Variants in PAFAH1B1 observed in about 807,000 individuals in gnomAD.
PAFAH1B1 encodes platelet activating factor acetylhydrolase 1b regulatory subunit 1.
A neutral mutation model predicts 57.5 loss-of-function variants in PAFAH1B1; 2 were observed. The observed-to-expected ratio is 0.03, with a 90% CI of 0.01 to 0.11. PAFAH1B1 has a LOEUF of 0.11. Ranked by LOEUF, PAFAH1B1 falls within the 10% of genes least tolerant of loss-of-function variation. PAFAH1B1 has a pLI of 1.00. For missense variants in PAFAH1B1, 257 were observed against 512.0 expected (o/e 0.50, Z 4.81); for synonymous variants, 152 against 169.6 (o/e 0.90, Z 0.81).
rs1374615138 is a variant in PAFAH1B1, at chr17:2,684,743, C to G, written c.*2941C>G. On this transcript the variant is annotated 3_prime_UTR_variant, in exon 11 of 11. Coordinates refer to ENST00000397195, the MANE Select transcript of PAFAH1B1 (RefSeq NM_000430.4). Reference sequence around the variant, plus strand: ...GACCAATGGTGTGCCCAGAGCACTACTCTCAAAATCACTAGTGTTAGCAAG... The same window carrying G: ...GACCAATGGTGTGCCCAGAGCACTAGTCTCAAAATCACTAGTGTTAGCAAG... 1 of 152,598 alleles carries G rather than the reference C, an allele frequency of 6.6e-6. No homozygotes were observed. The highest frequency in any genetic ancestry group is 1.9e-4 in the East Asian group (1 of 5,192). The allele number at this position is 152,598 out of a possible 1,614,324, so 9.5% of individuals were successfully genotyped here.
chr17:2,616,118 G>C (rs539654801), intron 1 of PAFAH1B1, among the ~76,000 whole-genome samples: 1 of 152,292 alleles, frequency 6.6e-6, no homozygotes, highest in Admixed American at 6.5e-5. Context: ...GTAGAATGGA[G>C]AGCAGTTTAT....
intron 1 of PAFAH1B1, among the ~76,000 whole-genome samples, chr17:2,595,418 T>G (rs2068074144): frequency 7.2e-6 from 1 of 139,408 alleles, no homozygotes; most frequent in African/African-American, 3.0e-5. Flanking sequence ...ACAGGAGTGT[T>G]TGCTTTTTTT....
chr17:2,677,023 G>T (rs1328750923), intron 9 of PAFAH1B1, among the ~76,000 whole-genome samples: 1 of 152,210 alleles, frequency 6.6e-6, no homozygotes, highest in African/African-American at 2.4e-5. Context: ...CGTGGTGGCG[G>T]GCGCCTGTAG....
intron 1 of PAFAH1B1, among the ~76,000 whole-genome samples, chr17:2,631,820 G>C (rs1020921304): frequency 1.3e-5 from 2 of 152,180 alleles, no homozygotes; most frequent in African/African-American, 4.8e-5. Flanking sequence ...TCTGCATGCA[G>C]CTCTGTCCGA....
At chr17:2,645,683 A>G (rs192489720) in intron 2 of PAFAH1B1, among the ~76,000 whole-genome samples, 153 of 150,298 alleles carry the variant, frequency 1.0e-3, no homozygotes, top group East Asian at 5.6e-3. Context: ...GCACGATCTC[A>G]GCTCACTGCA....
At chr17:2,617,140 A>G (rs1248423066) in intron 1 of PAFAH1B1, among the ~76,000 whole-genome samples, 1 of 152,188 alleles carries the variant, frequency 6.6e-6, no homozygotes, top group Non-Finnish European at 1.5e-5. Flanking sequence ...TGTGTTACTT[A>G]AATCTAAGTC....
intron 2 of PAFAH1B1, among the ~76,000 whole-genome samples, chr17:2,642,706 C>T (rs1410613126): frequency 6.6e-6 from 1 of 152,192 alleles, no homozygotes; most frequent in African/African-American, 2.4e-5. Context: ...GCATGCAGCT[C>T]TGCTCCTGCC....
intron 2 of PAFAH1B1, among the ~76,000 whole-genome samples, chr17:2,663,575 AC>A (rs2069050289): frequency 0.014 from 2 of 146 alleles, no homozygotes; most frequent in South Asian, 0.33. Context: ...TCTTTACTTA[AC>A]TTATTACTTT....
At chr17:2,638,422 A>AT in intron 2 of PAFAH1B1, 102 bp downstream of exon 2, 1 of 918,014 alleles carries the variant, frequency 1.1e-6, no homozygotes, top group Non-Finnish European at 1.8e-6. Context: ...GATTAAAACT[A>AT]TTTTTACCAG....
intron 1 of PAFAH1B1, among the ~76,000 whole-genome samples, chr17:2,626,253 A>C (rs1012544215): frequency 1.3e-5 from 2 of 148,246 alleles, no homozygotes; most frequent in African/African-American, 4.9e-5. Flanking sequence ...CTCCGTCTCA[A>C]AAAAAAAAAA....
At chr17:2,650,378 G>A (rs1242108068) in intron 2 of PAFAH1B1, among the ~76,000 whole-genome samples, 3 of 151,934 alleles carry the variant, frequency 2.0e-5, no homozygotes, top group Non-Finnish European at 2.9e-5. Flanking sequence ...CAGACGTGGC[G>A]GTGTGCACCT....
intron 1 of PAFAH1B1, among the ~76,000 whole-genome samples, chr17:2,609,014 G>A (rs899003471): frequency 3.0e-4 from 46 of 152,094 alleles, no homozygotes; most frequent in African/African-American, 1.0e-3. Flanking sequence ...TCTTTGCATT[G>A]ATGGTTAACA....
chr17:2,667,174 T>C lies in PAFAH1B1; in HGVS notation c.375T>C (p.Ser125=). The change falls in exon 5 of 11, where the codon TCT becomes TCC. Residue 125 remains serine, a synonymous_variant. Coordinates refer to ENST00000397195, the MANE Select transcript of PAFAH1B1 (RefSeq NM_000430.4). The stretch of plus-strand genomic sequence containing the variant: ...ATCCTGTGTTCAGTGTTATGGTCTC[T>C]GCTTCAGAGGATGCTACAATTAAGG... ...IFHPVFSVMV[S]ASEDATIKVW... is the part of the protein sequence containing the mutation. The C allele has an allele frequency of 6.2e-7, 1 of 1,613,580 alleles. No individual in the cohort carries two copies. The highest frequency in any genetic ancestry group is 8.5e-7 in the Non-Finnish European group (1 of 1,179,526).
At chr17:2,639,016 C>A (rs978570897) in intron 2 of PAFAH1B1, among the ~76,000 whole-genome samples, 1 of 152,124 alleles carries the variant, frequency 6.6e-6, no homozygotes. Flanking sequence ...TCTTCTGCCT[C>A]AACCTCCCGA....
chr17:2,676,154 G>C (rs905062695), intron 8 of PAFAH1B1, among the ~76,000 whole-genome samples: 1 of 152,136 alleles, frequency 6.6e-6, no homozygotes, highest in Non-Finnish European at 1.5e-5. Flanking sequence ...TGGGCCGATC[G>C]ATCATCTGAG....
At chr17:2,679,478 TTGGATGGATGGATGGA>T (rs754645470) in intron 9 of PAFAH1B1, among the ~76,000 whole-genome samples, 1 of 2,470 alleles carries the variant, frequency 4.0e-4, no homozygotes, top group Non-Finnish European at 1.4e-3. Context: ...GGATGGATGA[TTGGATGGATGGATGGA>T]TGGATGATTG....
At chr17:2,674,755 C>T (rs1228689329) in intron 8 of PAFAH1B1, among the ~76,000 whole-genome samples, 3 of 152,188 alleles carry the variant, frequency 2.0e-5, no homozygotes, top group African/African-American at 7.2e-5. Context: ...ATGGCAGCCT[C>T]TGATGTTCTT....
At chr17:2,643,034 T>G (rs1014226769) in intron 2 of PAFAH1B1, among the ~76,000 whole-genome samples, 2 of 152,084 alleles carry the variant, frequency 1.3e-5, no homozygotes, top group African/African-American at 2.4e-5. Context: ...GATATATATC[T>G]TCTTATTTCT....
chr17:2,601,511 G>C (rs8064881), intron 1 of PAFAH1B1, among the ~76,000 whole-genome samples: 3,557 of 152,178 alleles, frequency 0.023, 147 homozygotes, highest in African/African-American at 0.081. Flanking sequence ...GCATGATCTT[G>C]GCTTACTTCA....
Sources: gnomAD v4.1 joint callset for allele counts (sites outside exome capture counted in the v4.1 genomes callset) on GRCh38, gnomAD v4.1.1 for gene constraint, MANE v1.5 for transcripts, NCBI Gene and HGNC (gene_info 2026-07-23, HGNC 2026-07-21) for gene names.